Variants in ADGRE3 observed in about 807,000 individuals in gnomAD.
ADGRE3 encodes the protein adhesion G protein-coupled receptor E3, also known as EGF-like module receptor 3.
Under a neutral mutation model 80.1 loss-of-function variants are expected in ADGRE3, and 88 were observed. The ratio of observed to expected loss-of-function variants is 1.10; its 90% CI spans 0.93 to 1.31. The LOEUF (loss-of-function observed/expected upper bound fraction) is 1.31, where lower values mean the gene tolerates loss of function less well. Ranked by LOEUF, ADGRE3 falls within the 40% of genes most tolerant of loss-of-function variation. The pLI is 0.00. For missense variants in ADGRE3, 715 were observed against 776.5 expected (o/e 0.92, Z 0.94); for synonymous variants, 281 against 294.8 (o/e 0.95, Z 0.48).
chr19:14,649,349 TCCATCTCTCTCC>T (rs1373559015), intron 7 of ADGRE3, among the ~76,000 whole-genome samples: 2 of 147,186 alleles, frequency 1.4e-5, no homozygotes, highest in African/African-American at 2.5e-5. Flanking sequence ...TCTCTCTTTT[TCCATCTCTCTCC>T]CCATCTCTCT....
At chr19:14,648,067 G>A (rs942051283) in intron 7 of ADGRE3, among the ~76,000 whole-genome samples, 2 of 132,952 alleles carry the variant, frequency 1.5e-5, no homozygotes, top group Admixed American at 1.6e-4. Context: ...GGGTGACAGA[G>A]TGAGACTCCA....
chr19:14,617,377 C>CTTTCTTTCTTTTTCTTTCTTTCTTTCTTT (rs1491527496), downstream of ADGRE3, among the ~76,000 whole-genome samples: 6 of 86,306 alleles, frequency 7.0e-5, 1 homozygote, highest in East Asian at 3.5e-4. Context: ...TTTCTTTCTT[C>CTTTCTTTCTTTTTCTTTCTTTCTTTCTTT]CTTTCTTTCT....
rs546627316 is a variant in ADGRE3 at position 14,646,659 on chromosome 19, TCCTCCCTCCCTC to T, written c.882+510_882+521del. Among the ~76,000 whole-genome samples the T allele has an allele frequency of 8.7e-3, 741 of 85,318 alleles. 6 individuals are homozygous for T. Among genetic ancestry groups the T allele is most frequent in the Non-Finnish European group, 0.013 (566 of 44,900 alleles). 56.0% of individuals were successfully genotyped at this position (85,318 alleles called of 152,430 possible). A position where few individuals can be genotyped will look rare whatever the true frequency, so the allele number is the denominator to read the frequency against. ...TTCTCAGTCACTTCCCTCTCTCTCT[TCCTCCCTCCCTC>T]CCTCCCTCCCTCCCTCCCTCCCTCC... On this transcript the variant is annotated intron_variant, in intron 8 of 15. Coordinates refer to ENST00000253673, the MANE Select transcript of ADGRE3 (RefSeq NM_032571.5).
intron 6 of ADGRE3, among the ~76,000 whole-genome samples, chr19:14,654,265 T>G (rs903396079): frequency 2.0e-5 from 3 of 150,828 alleles, no homozygotes; most frequent in African/African-American, 7.3e-5. Context: ...AAACCTGTTT[T>G]TTTTTTTTTT....
chr19:14,627,867 G>T (rs1010214189), intron 14 of ADGRE3, among the ~76,000 whole-genome samples: 1 of 151,922 alleles, frequency 6.6e-6, no homozygotes, highest in Admixed American at 6.6e-5. Flanking sequence ...GATGGCTCAC[G>T]CCTGTAATCC....
chr19:14,637,758 G>A (rs924199699), intron 11 of ADGRE3, among the ~76,000 whole-genome samples: 39 of 151,788 alleles, frequency 2.6e-4, no homozygotes, highest in African/African-American at 9.2e-4. Flanking sequence ...TGAACTCCTG[G>A]CCTCAAGTGA....
intron 2 of ADGRE3, among the ~76,000 whole-genome samples, chr19:14,666,665 C>T (rs970732626): frequency 1.3e-5 from 2 of 152,200 alleles, no homozygotes; most frequent in Non-Finnish European, 2.9e-5. Flanking sequence ...GCGTGAGCCA[C>T]CGTGCCTGGC....
chr19:14,611,463 T>C, the ADGRE3 span, among the ~76,000 whole-genome samples: 2 of 147,324 alleles, frequency 1.4e-5, no homozygotes, highest in African/African-American at 5.0e-5. Flanking sequence ...CTGCACCCTC[T>C]GCCTCCTGGG....
intron 9 of ADGRE3, among the ~76,000 whole-genome samples, chr19:14,642,830 T>C (rs185635129): frequency 2.6e-5 from 4 of 152,342 alleles, no homozygotes; most frequent in African/African-American, 4.8e-5. Flanking sequence ...CAGTCTACCA[T>C]TGATGGGCAT....
At chr19:14,621,059 G>A (rs1010345379) in intron 15 of ADGRE3, among the ~76,000 whole-genome samples, 7 of 150,388 alleles carry the variant, frequency 4.7e-5, no homozygotes, top group South Asian at 4.2e-4. Flanking sequence ...CATTCTTGTC[G>A]CCCAGGCTGG....
At chr19:14,658,470 T>G (rs372808848) in intron 5 of ADGRE3, 43 bp downstream of exon 5, 2 of 1,474,038 alleles carry the variant, frequency 1.4e-6, no homozygotes, top group East Asian at 2.6e-5. Context: ...TTGTTACTGA[T>G]GTTTGTTACC....
intron 4 of ADGRE3, among the ~76,000 whole-genome samples, chr19:14,659,757 G>C (rs1445749706): frequency 7.4e-6 from 1 of 135,246 alleles, no homozygotes; most frequent in Non-Finnish European, 1.5e-5. Flanking sequence ...GGAGGCAAAG[G>C]TTGCAGTGAG....
intron 4 of ADGRE3, among the ~76,000 whole-genome samples, chr19:14,660,937 CTT>C (rs35730102): frequency 8.4e-5 from 7 of 83,508 alleles, no homozygotes; most frequent in South Asian, 4.7e-4. Context: ...GTCATATTTC[CTT>C]TTTTTTTTTT....
At chr19:14,660,917 C>T (rs891836425) in intron 4 of ADGRE3, among the ~76,000 whole-genome samples, 34 of 134,096 alleles carry the variant, frequency 2.5e-4, no homozygotes, top group Middle Eastern at 4.0e-3. Flanking sequence ...AGATCTGGAG[C>T]GGGTTGGTGG....
chr19:14,630,279 G>C, intron 13 of ADGRE3, 72 bp from the exon 14 acceptor site: 1 of 1,286,072 alleles, frequency 7.8e-7, no homozygotes, highest in Non-Finnish European at 1.0e-6. Context: ...CTAGTTAGCT[G>C]TTAATAGTAA....
the ADGRE3 span, among the ~76,000 whole-genome samples, chr19:14,600,587 C>CTT: frequency 4.1e-5 from 6 of 145,340 alleles, no homozygotes; most frequent in African/African-American, 1.5e-4. Context: ...CTTTTCTTTT[C>CTT]TTTTTTTTTT....
chr19:14,617,962 T>C (rs2075092122), downstream of ADGRE3, among the ~76,000 whole-genome samples: 1 of 152,180 alleles, frequency 6.6e-6, no homozygotes, highest in African/African-American at 2.4e-5. Flanking sequence ...CCTTTTTTAT[T>C]AAGTTCCATA....
chr19:14,632,250 A>G (rs757380069), intron 13 of ADGRE3, among the ~76,000 whole-genome samples: 7 of 152,164 alleles, frequency 4.6e-5, no homozygotes, highest in Admixed American at 2.0e-4. Flanking sequence ...TAGGGTTTCT[A>G]TATAATTTAA....
chr19:14,602,748 T>G, the ADGRE3 span, among the ~76,000 whole-genome samples: 2 of 152,142 alleles, frequency 1.3e-5, no homozygotes, highest in East Asian at 1.9e-4. Flanking sequence ...ACAGTTTTTT[T>G]TTTTTGAGAT....
Sources: allele counts gnomAD v4.1 joint callset (sites outside exome capture counted in the v4.1 genomes callset), GRCh38; gene constraint gnomAD v4.1.1; transcripts MANE v1.5; gene names NCBI Gene and HGNC (gene_info 2026-07-23, HGNC 2026-07-21).